Variants in AKT2 observed in about 807,000 individuals in gnomAD.
The protein encoded by AKT2 is RAC-beta serine/threonine-protein kinase.
A neutral mutation model predicts 58.6 loss-of-function variants in AKT2; 16 were observed. The observed-to-expected ratio is 0.27, with a 90% CI of 0.18 to 0.41. The LOEUF (loss-of-function observed/expected upper bound fraction) is 0.41, where lower values mean the gene tolerates loss of function less well. AKT2 is among the 10% of genes least tolerant of loss of function. The pLI, the probability that AKT2 is intolerant of heterozygous loss-of-function variation, is 1.00. For missense variants in AKT2, 438 were observed against 661.0 expected, an observed-to-expected ratio of 0.66 and a Z score of 3.70; for synonymous variants, 253 against 254.0, an observed-to-expected ratio of 1.00 and a Z score of 0.04.
rs1410688122 is a variant in AKT2, at chr19:40,234,960, C to T, written c.1366+85G>A. On this transcript the variant is annotated intron_variant, in intron 13 of 13. Transcript: ENST00000392038. The surrounding 1 kb of genome is among the most constrained non-coding windows in gnomAD (Gnocchi z 4.7). Reference sequence around the variant, plus strand: ...GACATGAAGCGGGGGCCTTCGAGGGCCCTCCTTGAGAAGTGAGTTAAGAGC... The same window carrying T: ...GACATGAAGCGGGGGCCTTCGAGGGTCCTCCTTGAGAAGTGAGTTAAGAGC... 1.6e-6 allele frequency: 2 copies of T among 1,251,346 alleles called. No individual in the cohort carries two copies. The highest frequency in any genetic ancestry group is 1.8e-5 in the Admixed American group (1 of 55,652). 77.5% of individuals were successfully genotyped at this position (1,251,346 alleles called of 1,614,324 possible). A position where few individuals can be genotyped will look rare whatever the true frequency, so the allele number is the denominator to read the frequency against.
intron 1 of AKT2, chr19:40,268,700 G>C (rs1439481580): frequency 6.6e-6 from 1 of 152,650 alleles, no homozygotes; most frequent in Non-Finnish European, 1.5e-5. Flanking sequence ...AGGGAGAGCA[G>C]GGGGAGGAGT....
intron 3 of AKT2, among the ~76,000 whole-genome samples, chr19:40,256,151 T>C (rs1438559417): frequency 2.0e-5 from 3 of 152,134 alleles, no homozygotes; most frequent in South Asian, 2.1e-4. Context: ...CTGGGAGTTC[T>C]AGTGAGACAC....
chr19:40,237,910 T>C lies in AKT2; in HGVS notation c.831+59A>G. 2.5e-6 allele frequency: 4 copies of C among 1,604,732 alleles called. No individual in the cohort carries two copies. The highest frequency in any genetic ancestry group is 3.4e-6 in the Non-Finnish European group (4 of 1,176,408). On this transcript the variant is annotated intron_variant, in intron 9 of 13. Coordinates refer to ENST00000392038, the MANE Select transcript of AKT2 (RefSeq NM_001626.6). The surrounding 1 kb of genome is among the most constrained non-coding windows in gnomAD (Gnocchi z 4.5). ...CAGAAGCTCAGCCCAACTTCCCCAG[T>C]GTGAGTCCCATGTGGTGTGCATGCC... is the stretch of plus-strand genomic sequence containing the variant.
rs1974104227 is a variant in AKT2, at chr19:40,237,505, C to G, written c.831+464G>C. The stretch of plus-strand genomic sequence containing the variant: ...ACTAAAAATACAAAAATTAGCTGGG[C>G]ATGGTGGCGGGCACCTGTAATCCCA... On this transcript the variant is annotated intron_variant, in intron 9 of 13. Transcript: ENST00000392038. The surrounding 1 kb of genome is among the most constrained non-coding windows in gnomAD (Gnocchi z 4.5). 1 of 166,078 alleles carries G rather than the reference C, an allele frequency of 6.0e-6. No individual in the cohort carries two copies. Among genetic ancestry groups the G allele is most frequent in the South Asian group, 1.4e-4 (1 of 7,100 alleles). 10.3% of individuals were successfully genotyped at this position (166,078 alleles called of 1,614,324 possible).
At chr19:40,265,481 G>A in intron 1 of AKT2, 130 bp from the exon 2 acceptor site, 1 of 1,273,892 alleles carries the variant, frequency 7.8e-7, no homozygotes, top group Admixed American at 2.4e-5. Flanking sequence ...AGCAAGGGTG[G>A]CGTGGAGCCC....
At chr19:40,259,960 C>T (rs1292226100) in intron 2 of AKT2, among the ~76,000 whole-genome samples, 1 of 151,952 alleles carries the variant, frequency 6.6e-6, no homozygotes, top group Non-Finnish European at 1.5e-5. Context: ...CAAAACCAGC[C>T]TGGCCAACAT....
chr19:40,270,531 G>C (rs1305489022), intron 1 of AKT2: 1 of 152,298 alleles, frequency 6.6e-6, no homozygotes, highest in African/African-American at 2.4e-5. Flanking sequence ...AGATGGGCTA[G>C]GGAGGCAGGT....
At chr19:40,271,866 A>G (rs1297128869) in intron 1 of AKT2, among the ~76,000 whole-genome samples, 1 of 152,208 alleles carries the variant, frequency 6.6e-6, no homozygotes, top group Non-Finnish European at 1.5e-5. Context: ...GTCTTCAGTC[A>G]TCACCAAATG....
chr19:40,284,979 T>A (rs923344172), intron 1 of AKT2: 4 of 356,606 alleles, frequency 1.1e-5, no homozygotes, highest in Non-Finnish European at 2.0e-5. Context: ...CTCAGTGGTA[T>A]GGCCCGCCGC....
intron 1 of AKT2, among the ~76,000 whole-genome samples, chr19:40,277,212 G>A (rs975708743): frequency 5.6e-4 from 86 of 152,264 alleles, no homozygotes; most frequent in African/African-American, 2.0e-3. Context: ...GGCAGCTAAT[G>A]TTACTGCTGT....
chr19:40,240,156 T>C, intron 6 of AKT2, 46 bp from the exon 7 acceptor site: 2 of 1,572,216 alleles, frequency 1.3e-6, no homozygotes, highest in East Asian at 2.2e-5. Context: ...ACACCACACC[T>C]GCCCACTCCG....
At chr19:40,262,869 G>A (rs954065560) in intron 2 of AKT2, among the ~76,000 whole-genome samples, 8 of 152,178 alleles carry the variant, frequency 5.3e-5, no homozygotes, top group African/African-American at 1.9e-4. Flanking sequence ...CAAGGGGGTC[G>A]GTGGGGTGGT....
intron 1 of AKT2, among the ~76,000 whole-genome samples, chr19:40,271,955 C>T (rs1480827670): frequency 1.3e-5 from 2 of 152,218 alleles, no homozygotes; most frequent in Non-Finnish European, 2.9e-5. Context: ...AACCTGGCAA[C>T]AATCTAAAAG....
At position 40,242,086 on chromosome 19, in the gene AKT2, G is replaced by T; in HGVS notation, c.442-17C>A. 1 of 1,614,138 alleles carries T rather than the reference G, an allele frequency of 6.2e-7. No individual in the cohort carries two copies. The highest frequency in any genetic ancestry group is 1.7e-5 in the Admixed American group (1 of 60,034). On this transcript the variant is annotated splice_polypyrimidine_tract_variant and intron_variant, in intron 5 of 13. Transcript: ENST00000392038. The surrounding 1 kb of genome is among the most constrained non-coding windows in gnomAD (Gnocchi z 4.3). ...ATTCATGGTCTGCCAGGGACAGGGA[G>T]AGTGGGGGCAGTCAGCGCCTGGCTC...
chr19:40,271,319 TG>T (rs2077211702), intron 1 of AKT2, among the ~76,000 whole-genome samples: 1 of 145,066 alleles, frequency 6.9e-6, no homozygotes, highest in Non-Finnish European at 1.5e-5. Flanking sequence ...TTCAGGTACC[TG>T]GGAGGCTGAG....
At position 40,238,560 on chromosome 19, in the gene AKT2, C is replaced by T. The variant is rs1434675370; in HGVS notation, c.708+345G>A. 6.6e-6 allele frequency among the ~76,000 whole-genome samples: 1 copy of T among 152,242 alleles called. No homozygotes were observed. Among genetic ancestry groups the T allele is most frequent in the East Asian group, 1.9e-4 (1 of 5,164 alleles). On this transcript the variant is annotated intron_variant, in intron 8 of 13. Transcript: ENST00000392038. This position sits in a 1 kb window ranked among gnomAD's most constrained non-coding sequence, Gnocchi z 5.1. ...AATTCACTTCGAGAGGACACGGGAA[C>T]GGAGGGCTGCTAGGTTTTAACCCTT...
Position 40,231,402 on chromosome 19 carries a change from T to C in AKT2, c.*2470A>G, listed in dbSNP as rs1224654831. 8.6e-6 allele frequency: 2 copies of C among 233,158 alleles called. No individual in the cohort carries two copies. The highest frequency in any genetic ancestry group is 1.7e-5 in the Non-Finnish European group (2 of 118,040). The allele number at this position is 233,158 out of a possible 1,614,324, so 14.4% of individuals were successfully genotyped here. A position where few individuals can be genotyped will look rare whatever the true frequency, so the allele number is the denominator to read the frequency against. On this transcript the variant is annotated 3_prime_UTR_variant, in exon 14 of 14. Transcript: ENST00000392038. Reference sequence around the variant, plus strand: ...TTTTATGACCACCAGGGTAGACTTTTGTAATTAAATTAAGGTCCACATGAC... The same window carrying C: ...TTTTATGACCACCAGGGTAGACTTTCGTAATTAAATTAAGGTCCACATGAC...
At chr19:40,247,890 C>T (rs1974859400) in intron 4 of AKT2, among the ~76,000 whole-genome samples, 1 of 152,182 alleles carries the variant, frequency 6.6e-6, no homozygotes, top group African/African-American at 2.4e-5. Flanking sequence ...CCTCCAAGAG[C>T]ACTTCCCCCA....
intron 4 of AKT2, chr19:40,243,306 GGAGA>G (rs1180966371): frequency 6.5e-6 from 1 of 154,950 alleles, no homozygotes; most frequent in Non-Finnish European, 1.4e-5. Flanking sequence ...CTTGAATGAG[GGAGA>G]GAGAGTGCTC....
Sources: allele counts gnomAD v4.1 joint callset (sites outside exome capture counted in the v4.1 genomes callset), GRCh38; gene constraint gnomAD v4.1.1; non-coding constraint Gnocchi (gnomAD v3.1); transcripts MANE v1.5; gene names NCBI Gene and HGNC (gene_info 2026-07-23, HGNC 2026-07-21).